The following NR1H4 variants were observed in gnomAD, a reference collection of about 807,000 sequenced individuals.
The protein encoded by NR1H4 is bile acid receptor.
NR1H4 carries 23 observed loss-of-function variants against 58.5 expected under a neutral mutation model. The ratio of observed to expected loss-of-function variants is 0.39; its 90% CI spans 0.28 to 0.56. The LOEUF is 0.56. Ranked by LOEUF, NR1H4 falls within the 20% of genes least tolerant of loss-of-function variation. The probability of loss-of-function intolerance (pLI) is 0.58; values close to 1 mark genes in which losing one functional copy is unlikely to be tolerated. For synonymous variants in NR1H4, 214 were observed against 198.0 expected (o/e 1.08, Z -0.68); for missense variants, 487 against 576.9 (o/e 0.84, Z 1.60).
At chr12:100,553,288 G>A (rs1330567875) in intron 9 of NR1H4, among the ~76,000 whole-genome samples, 3 of 152,142 alleles carry the variant, frequency 2.0e-5, no homozygotes, top group East Asian at 1.9e-4. Context: ...GTGAGTCACT[G>A]CGCCCGGCCG....
intron 9 of NR1H4, among the ~76,000 whole-genome samples, chr12:100,550,460 G>A (rs1327088919): frequency 6.6e-6 from 1 of 152,118 alleles, no homozygotes; most frequent in Non-Finnish European, 1.5e-5. Flanking sequence ...CGCCTCCTGG[G>A]TTCAGGCAAT....
intron 9 of NR1H4, among the ~76,000 whole-genome samples, chr12:100,555,183 T>G (rs1167177264): frequency 6.6e-6 from 1 of 152,226 alleles, no homozygotes; most frequent in Non-Finnish European, 1.5e-5. Flanking sequence ...AAAATTTTAA[T>G]ATTTTCAAAT....
At chr12:100,560,839 G>A (rs752795735) in intron 9 of NR1H4, among the ~76,000 whole-genome samples, 1 of 152,136 alleles carries the variant, frequency 6.6e-6, no homozygotes, top group Admixed American at 6.5e-5. Flanking sequence ...AGAGGAGAGG[G>A]AGCACCAGGT....
chr12:100,540,966 A>G (rs904677559), intron 9 of NR1H4, 148 bp downstream of exon 9: 1 of 805,862 alleles, frequency 1.2e-6, no homozygotes, highest in African/African-American at 1.7e-5. Flanking sequence ...TATGTGTTAA[A>G]TTGATAAGAC....
chr12:100,510,934 A>T lies in NR1H4; in HGVS notation c.236A>T (p.Glu79Val). The T allele has an allele frequency of 6.2e-7, 1 of 1,614,174 alleles. No homozygotes were observed. The highest frequency in any genetic ancestry group is 2.2e-5 in the East Asian group (1 of 44,884). ...GGTTTCTACCCCCAGCAGCCTGAAGAGTGGTACTCTCCTGGAATATATGAA... is the reference window on the plus strand; with the variant it reads ...GGTTTCTACCCCCAGCAGCCTGAAGTGTGGTACTCTCCTGGAATATATGAA... Reference protein sequence around the residue: ...NLGFYPQQPEEWYSPGIYELR... With the variant: ...NLGFYPQQPEVWYSPGIYELR... The change falls in exon 4 of 11, where the codon GAG (glutamate) becomes GTG (valine). Residue 79 changes from glutamate (E) to valine (V), a missense_variant. Physicochemically the swap from Glu to Val is moderately radical, Grantham distance 121 (BLOSUM62 -2). Transcript: ENST00000392986.
chr12:100,504,932 G>A (rs1815357796), intron 3 of NR1H4, among the ~76,000 whole-genome samples: 1 of 152,182 alleles, frequency 6.6e-6, no homozygotes, highest in African/African-American at 2.4e-5. Context: ...TTCCACCTGG[G>A]GGAACTGGGG....
intron 1 of NR1H4, among the ~76,000 whole-genome samples, chr12:100,477,285 AT>A (rs1326714702): frequency 3.9e-5 from 6 of 152,206 alleles, no homozygotes; most frequent in Admixed American, 2.6e-4. Context: ...AGGAAAAAAA[AT>A]AAGATTTATT....
intron 3 of NR1H4, among the ~76,000 whole-genome samples, chr12:100,506,894 T>C (rs1953979398): frequency 6.6e-6 from 1 of 152,244 alleles, no homozygotes; most frequent in African/African-American, 2.4e-5. Flanking sequence ...ATTATCTATA[T>C]CTTTGTGAAA....
At chr12:100,510,661 GTAGT>G in intron 3 of NR1H4, 113 bp from the exon 4 acceptor site, 1 of 742,760 alleles carries the variant, frequency 1.3e-6, no homozygotes, top group Non-Finnish European at 2.3e-6. Flanking sequence ...AAACTTTTAT[GTAGT>G]TAAATGTTTC....
chr12:100,478,820 C>T (rs1356913055), intron 1 of NR1H4, among the ~76,000 whole-genome samples: 1 of 152,148 alleles, frequency 6.6e-6, no homozygotes, highest in Non-Finnish European at 1.5e-5. Context: ...AGATACACTG[C>T]TAAAGAGCCC....
chr12:100,557,024 A>AT (rs1363305014), intron 9 of NR1H4, among the ~76,000 whole-genome samples: 1 of 151,874 alleles, frequency 6.6e-6, no homozygotes, highest in African/African-American at 2.4e-5. Flanking sequence ...TTTTATTTTA[A>AT]TTTTTTTTAC....
At chr12:100,563,015 G>A (rs1955509841) in intron 10 of NR1H4, among the ~76,000 whole-genome samples, 1 of 152,146 alleles carries the variant, frequency 6.6e-6, no homozygotes, top group South Asian at 2.1e-4. Flanking sequence ...TATCTTTAGG[G>A]GTTTTGATTG....
At chr12:100,528,824 C>T (rs1377739824) in intron 4 of NR1H4, among the ~76,000 whole-genome samples, 2 of 152,084 alleles carry the variant, frequency 1.3e-5, no homozygotes, top group Admixed American at 6.5e-5. Context: ...ACGCACTGTT[C>T]CTTTGACTCA....
chr12:100,475,208 A>T (rs1953243534), intron 1 of NR1H4, among the ~76,000 whole-genome samples: 1 of 152,034 alleles, frequency 6.6e-6, no homozygotes, highest in Non-Finnish European at 1.5e-5. Context: ...AGAGGAAAAG[A>T]TGTTCAGGGA....
chr12:100,486,230 A>G (rs1040537428), intron 1 of NR1H4, among the ~76,000 whole-genome samples: 2 of 152,228 alleles, frequency 1.3e-5, no homozygotes, highest in Admixed American at 6.5e-5. Context: ...AGTGATATTT[A>G]TACTAGACCA....
At chr12:100,484,702 A>C (rs1953453410) in intron 1 of NR1H4, among the ~76,000 whole-genome samples, 1 of 152,122 alleles carries the variant, frequency 6.6e-6, no homozygotes, top group African/African-American at 2.4e-5. Context: ...TGGTCACCAC[A>C]CAACAACTTC....
intron 1 of NR1H4, among the ~76,000 whole-genome samples, chr12:100,474,708 C>T (rs958489131): frequency 2.3e-4 from 35 of 152,104 alleles, no homozygotes; most frequent in African/African-American, 8.2e-4. Flanking sequence ...AGATAAGATA[C>T]CTCTTTGTCT....
intron 1 of NR1H4, among the ~76,000 whole-genome samples, chr12:100,475,598 G>A (rs964483292): frequency 6.6e-6 from 1 of 152,114 alleles, no homozygotes; most frequent in Non-Finnish European, 1.5e-5. Flanking sequence ...ACTCTGCAAG[G>A]AAAAGAAAAG....
intron 4 of NR1H4, among the ~76,000 whole-genome samples, chr12:100,527,567 C>T (rs1954591256): frequency 6.6e-6 from 1 of 152,028 alleles, no homozygotes; most frequent in African/African-American, 2.4e-5. Context: ...AGGGTGTGAG[C>T]TTATCAAGGT....
Sources: allele counts gnomAD v4.1 joint callset (sites outside exome capture counted in the v4.1 genomes callset), GRCh38; gene constraint gnomAD v4.1.1; transcripts MANE v1.5; gene names NCBI Gene and HGNC (gene_info 2026-07-23, HGNC 2026-07-21).